AKAP6: variants seen among roughly 807,000 people sequenced by gnomAD.
AKAP6 encodes the protein A-kinase anchoring protein 6.
AKAP6 carries 58 observed loss-of-function variants against 188.5 expected under a neutral mutation model. The ratio of observed to expected loss-of-function variants is 0.31; its 90% confidence interval spans 0.25 to 0.38. The LOEUF is 0.38. Among genes scored for constraint, AKAP6 ranks in the 10% least tolerant of loss-of-function variants. The pLI is 1.00. For synonymous variants in AKAP6, 989 were observed against 998.6 expected (o/e 0.99, Z 0.18); for missense variants, 2,710 against 2,740.0 (o/e 0.99, Z 0.24).
chr14:32,732,467 A>G lies in AKAP6; in HGVS notation c.3014A>G (p.Glu1005Gly). The change falls in exon 10 of 14, where the codon GAA (glutamate) becomes GGA (glycine). Residue 1005 changes from glutamate (E) to glycine (G), a missense_variant. Physicochemically the swap from Glu to Gly is moderately conservative, Grantham distance 98 (BLOSUM62 -2). Around this residue, in one of 2 missense-constraint regions of AKAP6, gnomAD observed 2,473 missense variants for 2,426.1 expected, o/e 1.02. Transcript: ENST00000280979. ...QQHLYKRYSV[E>G]MSIRHLKKTE... ...TTTTCATTTTAGCGATACAGTGTGG[A>G]AATGTCCATCAGACACCTGAAAAAG... 1 of 1,613,154 alleles carries G rather than the reference A, an allele frequency of 6.2e-7. No homozygotes were observed. The highest frequency in any genetic ancestry group is 8.5e-7 in the Non-Finnish European group (1 of 1,179,494).
At chr14:32,455,005 A>G (rs1420731645) in intron 2 of AKAP6, among the ~76,000 whole-genome samples, 1 of 145,994 alleles carries the variant, frequency 6.8e-6, no homozygotes, top group Non-Finnish European at 1.5e-5. Flanking sequence ...TTGCTTTTTC[A>G]CCCAGACCAG....
chr14:32,372,314 G>A lies in AKAP6; in HGVS notation c.-35+42906G>A, dbSNP rs1014842611. ...TTTTTTGTGGCTTCTGTGACTCTTT[G>A]TAAAGGAGTTCTGAGTCACTAGTTA... On this transcript the variant is annotated intron_variant, in intron 1 of 13. Transcript: ENST00000280979. 8.0e-5 allele frequency among the ~76,000 whole-genome samples: 12 copies of A among 150,806 alleles called. No homozygotes were observed. In the South Asian group the frequency reaches 2.5e-3, roughly 32 times the overall value.
chr14:32,822,626 A>G lies in AKAP6; in HGVS notation c.4813A>G (p.Ser1605Gly). The G allele has an allele frequency of 6.2e-7, 1 of 1,614,038 alleles. No individual in the cohort carries two copies. Among genetic ancestry groups the G allele is most frequent in the Non-Finnish European group, 8.5e-7 (1 of 1,179,964 alleles). ...AGAAAGTTGGTTGACTTCCTATAAA[A>G]GCAATGAAGATCTCTTTAGCTGTCA... ...SLESWLTSYK[S>G]NEDLFSCHSS... Residue 1605 changes from serine (S) to glycine (G), a missense_variant, in exon 13 of 14, where the codon AGC becomes GGC. Around this residue, in one of 2 missense-constraint regions of AKAP6, gnomAD observed 2,473 missense variants for 2,426.1 expected, o/e 1.02. Transcript: ENST00000280979.
chr14:32,596,104 C>T (rs1018104976), intron 5 of AKAP6, among the ~76,000 whole-genome samples: 1 of 152,024 alleles, frequency 6.6e-6, no homozygotes, highest in Non-Finnish European at 1.5e-5. Flanking sequence ...ATCAGGTGAT[C>T]GAAAGTCTGT....
chr14:32,593,721 A>G (rs1226456583), intron 5 of AKAP6, among the ~76,000 whole-genome samples: 1 of 152,234 alleles, frequency 6.6e-6, no homozygotes, highest in Non-Finnish European at 1.5e-5. Context: ...TGCCTGGATG[A>G]TAAATAAGGA....
intron 7 of AKAP6, among the ~76,000 whole-genome samples, chr14:32,619,293 C>T (rs887490239): frequency 1.4e-4 from 22 of 152,010 alleles, no homozygotes; most frequent in African/African-American, 5.3e-4. Context: ...AGTTTTTCTT[C>T]TAGAATTTTT....
chr14:32,478,348 C>T (rs756958991), intron 2 of AKAP6, among the ~76,000 whole-genome samples: 9 of 152,134 alleles, frequency 5.9e-5, no homozygotes, highest in Non-Finnish European at 8.8e-5. Context: ...CAGGGAAATG[C>T]GGGTCCATCT....
intron 12 of AKAP6, among the ~76,000 whole-genome samples, chr14:32,798,675 G>C (rs755433144): frequency 6.6e-6 from 1 of 152,114 alleles, no homozygotes; most frequent in Non-Finnish European, 1.5e-5. Context: ...TAAACATTGA[G>C]TACACATGGA....
chr14:32,683,332 C>T (rs1015295260), intron 8 of AKAP6, among the ~76,000 whole-genome samples: 7 of 151,968 alleles, frequency 4.6e-5, no homozygotes, highest in East Asian at 1.9e-4. Flanking sequence ...TGAGAAGCAC[C>T]GCTTTGGGCA....
intron 1 of AKAP6, among the ~76,000 whole-genome samples, chr14:32,363,643 C>T (rs1230220302): frequency 6.6e-6 from 1 of 152,192 alleles, no homozygotes; most frequent in East Asian, 1.9e-4. Context: ...AGCAAGTCTG[C>T]TCTTTCCACT....
intron 9 of AKAP6, among the ~76,000 whole-genome samples, chr14:32,718,721 G>A (rs1348492924): frequency 3.3e-5 from 5 of 152,120 alleles, no homozygotes; most frequent in Admixed American, 3.3e-4. Context: ...CACCAAATAA[G>A]TTTTTCACAG....
chr14:32,621,216 G>C (rs907892100), intron 7 of AKAP6, among the ~76,000 whole-genome samples: 3 of 151,676 alleles, frequency 2.0e-5, no homozygotes, highest in Non-Finnish European at 4.4e-5. Context: ...TCTTCTGCTA[G>C]GTTTGAGTTT....
chr14:32,345,165 C>G (rs1221919588), intron 1 of AKAP6, among the ~76,000 whole-genome samples: 2 of 152,124 alleles, frequency 1.3e-5, no homozygotes, highest in Non-Finnish European at 2.9e-5. Context: ...ATAGTTAAAA[C>G]ACAAGGTTGT....
At chr14:32,389,073 G>T (rs1236903520) in intron 1 of AKAP6, among the ~76,000 whole-genome samples, 2 of 151,294 alleles carry the variant, frequency 1.3e-5, no homozygotes, top group Non-Finnish European at 3.0e-5. Context: ...GTGATATCAA[G>T]GCCTTTTATC....
intron 3 of AKAP6, among the ~76,000 whole-genome samples, chr14:32,541,771 C>T (rs1882966237): frequency 6.6e-6 from 1 of 152,076 alleles, no homozygotes; most frequent in Non-Finnish European, 1.5e-5. Context: ...AAAGAAAATA[C>T]AACCTGCTTT....
At chr14:32,456,617 A>G (rs1443617386) in intron 2 of AKAP6, among the ~76,000 whole-genome samples, 1 of 152,216 alleles carries the variant, frequency 6.6e-6, no homozygotes, top group African/African-American at 2.4e-5. Flanking sequence ...AGTACATGTT[A>G]TCATTCGATA....
At chr14:32,702,658 C>T (rs1288986367) in intron 9 of AKAP6, among the ~76,000 whole-genome samples, 2 of 152,076 alleles carry the variant, frequency 1.3e-5, no homozygotes, top group Non-Finnish European at 2.9e-5. Context: ...TTGTCTCTAG[C>T]GGGTGAGCTA....
At chr14:32,585,588 T>C (rs142664712) in intron 5 of AKAP6, among the ~76,000 whole-genome samples, 115 of 152,234 alleles carry the variant, frequency 7.6e-4, no homozygotes, top group African/African-American at 2.5e-3. Flanking sequence ...CTTGGTTTCT[T>C]TCTTTAAGGG....
chr14:32,546,033 C>T lies in AKAP6; in HGVS notation c.1380C>T (p.His460=). The change falls in exon 4 of 14, where the codon CAC becomes CAT. Residue 460 remains histidine, a synonymous_variant. Transcript: ENST00000280979. ...CCAGCCAGTCTTATGAGTGTTTACACAAGGTGGGGAATGGGAACCTTGAAA... is the reference window on the plus strand; with the variant it reads ...CCAGCCAGTCTTATGAGTGTTTACATAAGGTGGGGAATGGGAACCTTGAAA... ...SAASQSYECL[H]KVGNGNLENT... 1.2e-6 allele frequency: 2 copies of T among 1,614,122 alleles called. No homozygotes were observed. Among genetic ancestry groups the T allele is most frequent in the Non-Finnish European group, 1.7e-6 (2 of 1,180,018 alleles).
Sources: gnomAD v4.1 joint callset for allele counts (sites outside exome capture counted in the v4.1 genomes callset) on GRCh38, gnomAD v4.1.1 for gene constraint, gnomAD v4.1.1 regional missense constraint, MANE v1.5 for transcripts, NCBI Gene and HGNC (gene_info 2026-07-23, HGNC 2026-07-21) for gene names.